The following GFPT1 variants were observed in gnomAD, a reference collection of about 807,000 sequenced individuals.
GFPT1 encodes glutamine--fructose-6-phosphate transaminase 1, also known as glutamine--fructose-6-phosphate aminotransferase [isomerizing] 1.
GFPT1 carries 40 observed loss-of-function variants against 92.0 expected under a neutral mutation model. The observed-to-expected ratio is 0.43, with a 90% CI of 0.34 to 0.57. GFPT1 has a LOEUF of 0.57. GFPT1 is among the 20% of genes least tolerant of loss of function. The probability of loss-of-function intolerance (pLI) is 0.02; values close to 1 mark genes in which losing one functional copy is unlikely to be tolerated. For missense variants in GFPT1, 448 were observed against 869.1 expected (o/e 0.52, Z 6.09); for synonymous variants, 269 against 280.6 (o/e 0.96, Z 0.41).
chr2:69,331,970 C>G (rs901842933), intron 15 of GFPT1, among the ~76,000 whole-genome samples: 1 of 152,078 alleles, frequency 6.6e-6, no homozygotes, highest in Non-Finnish European at 1.5e-5. Context: ...TTAACTTTTA[C>G]GTAGTACTTT....
Position 69,387,181 on chromosome 2 carries a change from G to C in GFPT1, c.-110C>G. ...CGGGCTCGGGGGCCGGGGTGGCGCC[G>C]ACACGACTCCCTCGGGGATGCGACG... On this transcript the variant is annotated 5_prime_UTR_variant, in exon 1 of 20. Coordinates refer to ENST00000357308, the MANE Select transcript of GFPT1 (RefSeq NM_001244710.2). 8.1e-7 allele frequency: 1 copy of C among 1,237,766 alleles called. No individual in the cohort carries two copies. The highest frequency in any genetic ancestry group is 1.1e-6 in the Non-Finnish European group (1 of 912,768). 76.7% of individuals were successfully genotyped at this position (1,237,766 alleles called of 1,614,324 possible).
chr2:69,372,982 T>C (rs1671787186), intron 2 of GFPT1, among the ~76,000 whole-genome samples: 1 of 152,340 alleles, frequency 6.6e-6, no homozygotes, highest in East Asian at 1.9e-4. Flanking sequence ...GCTGAACATC[T>C]GCTCTTATTT....
chr2:69,363,773 T>A (rs1671538519), intron 3 of GFPT1, 103 bp from the exon 4 acceptor site: 2 of 841,020 alleles, frequency 2.4e-6, no homozygotes, highest in Admixed American at 4.0e-5. Flanking sequence ...TCTCTTGGAA[T>A]ATACAATCAC....
chr2:69,353,965 C>T (rs1310316766), intron 9 of GFPT1, among the ~76,000 whole-genome samples: 1 of 152,216 alleles, frequency 6.6e-6, no homozygotes, highest in Non-Finnish European at 1.5e-5. Context: ...TTTTCCTAAT[C>T]TAAGCATACA....
At chr2:69,379,104 A>C (rs929270633) in intron 1 of GFPT1, among the ~76,000 whole-genome samples, 1 of 152,164 alleles carries the variant, frequency 6.6e-6, no homozygotes, top group African/African-American at 2.4e-5. Flanking sequence ...TAAATAAATA[A>C]ATATTAAAAC....
At chr2:69,348,133 G>C in intron 11 of GFPT1, 38 bp downstream of exon 11, 8 of 1,503,678 alleles carry the variant, frequency 5.3e-6, no homozygotes, top group Non-Finnish European at 7.4e-6. Context: ...ATTCTTTCCA[G>C]TAAGGACAGC....
At chr2:69,349,194 T>G (rs1283795991) in intron 10 of GFPT1, among the ~76,000 whole-genome samples, 1 of 152,186 alleles carries the variant, frequency 6.6e-6, no homozygotes, top group Admixed American at 6.6e-5. Context: ...ATGGAAGAGC[T>G]CCTAAGGAAA....
rs368909711 is a variant in GFPT1, at chr2:69,360,156, T to C, written c.350-830A>G. Among the ~76,000 whole-genome samples the C allele has an allele frequency of 2.0e-5, 3 of 151,890 alleles. No individual in the cohort carries two copies. In the South Asian group the frequency reaches 6.2e-4, roughly 32 times the overall value. Reference sequence around the variant, plus strand: ...CATCCTGTTCAACATGGCGAAACCCTGTCTCTACTAAAAATACAAAACATT... The same window carrying C: ...CATCCTGTTCAACATGGCGAAACCCCGTCTCTACTAAAAATACAAAACATT... On this transcript the variant is annotated intron_variant, in intron 4 of 19. Coordinates refer to ENST00000357308, the MANE Select transcript of GFPT1 (RefSeq NM_001244710.2).
chr2:69,328,846 A>G (rs1406716485), intron 17 of GFPT1, among the ~76,000 whole-genome samples: 1 of 151,810 alleles, frequency 6.6e-6, no homozygotes, highest in African/African-American at 2.4e-5. Flanking sequence ...GATTATAGTC[A>G]TGCATTACCA....
chr2:69,386,886 T>G (rs1237017211), intron 1 of GFPT1, among the ~76,000 whole-genome samples, 179 bp downstream of exon 1: 1 of 151,288 alleles, frequency 6.6e-6, no homozygotes, highest in Non-Finnish European at 1.5e-5. Context: ...CGCCACCCCC[T>G]CTCCCGCCCG....
intron 3 of GFPT1, among the ~76,000 whole-genome samples, chr2:69,364,234 G>A (rs946975392): frequency 9.9e-5 from 15 of 151,642 alleles, no homozygotes; most frequent in African/African-American, 3.6e-4. Flanking sequence ...GATAAATAAA[G>A]ATTTAGGAGT....
intron 19 of GFPT1, among the ~76,000 whole-genome samples, 178 bp from the exon 20 acceptor site, chr2:69,326,411 T>C (rs1039898171): frequency 1.3e-5 from 2 of 152,150 alleles, no homozygotes; most frequent in Non-Finnish European, 2.9e-5. Flanking sequence ...TAATGTGTCC[T>C]GAAAAAAACT....
At chr2:69,380,442 T>C (rs1388448442) in intron 1 of GFPT1, among the ~76,000 whole-genome samples, 1 of 152,234 alleles carries the variant, frequency 6.6e-6, no homozygotes, top group Non-Finnish European at 1.5e-5. Flanking sequence ...GTGTGTTTAA[T>C]TGGTTCATGT....
Position 69,337,928 on chromosome 2 carries a change from A to G in GFPT1, c.1452T>C (p.Ala484=). 1 of 1,613,988 alleles carries G rather than the reference A, an allele frequency of 6.2e-7. No homozygotes were observed. The highest frequency in any genetic ancestry group is 1.1e-5 in the South Asian group (1 of 91,080). Residue 484 remains alanine (A), a synonymous_variant, in exon 15 of 20, where the codon GCT becomes GCC. Transcript: ENST00000357308. The stretch of plus-strand genomic sequence containing the variant: ...TACTGGCCACACCAATCTCAGGACC[A>G]GCATTAATATGAACTCCACAATCTG... ...RETDCGVHIN[A]GPEIGVASTK... is the part of the protein sequence containing the mutation.
chr2:69,352,238 G>C (rs1175989114), intron 9 of GFPT1, among the ~76,000 whole-genome samples: 2 of 152,100 alleles, frequency 1.3e-5, no homozygotes, highest in African/African-American at 4.8e-5. Context: ...ACTCCAGCCT[G>C]GGTGACAGAG....
intron 6 of GFPT1, among the ~76,000 whole-genome samples, chr2:69,356,983 G>A (rs1485396238): frequency 6.6e-6 from 1 of 151,992 alleles, no homozygotes; most frequent in East Asian, 1.9e-4. Flanking sequence ...TGCCCACCTC[G>A]GCCTCCCAAA....
At chr2:69,362,841 A>C (rs1297120853) in intron 4 of GFPT1, among the ~76,000 whole-genome samples, 1 of 152,160 alleles carries the variant, frequency 6.6e-6, no homozygotes, top group African/African-American at 2.4e-5. Context: ...AAAACATATT[A>C]AAGTAACACG....
At chr2:69,379,356 T>C (rs944778379) in intron 1 of GFPT1, among the ~76,000 whole-genome samples, 3 of 152,094 alleles carry the variant, frequency 2.0e-5, no homozygotes, top group African/African-American at 7.2e-5. Flanking sequence ...AGACCCTGCC[T>C]CTACCAAAAA....
At chr2:69,362,722 G>C (rs1671505493) in intron 4 of GFPT1, among the ~76,000 whole-genome samples, 1 of 151,928 alleles carries the variant, frequency 6.6e-6, no homozygotes, top group African/African-American at 2.4e-5. Context: ...GCTTGAACCT[G>C]GAAGGTGGAG....
Sources: allele counts gnomAD v4.1 joint callset (sites outside exome capture counted in the v4.1 genomes callset), GRCh38; gene constraint gnomAD v4.1.1; transcripts MANE v1.5; gene names NCBI Gene and HGNC (gene_info 2026-07-23, HGNC 2026-07-21).